The following NRG3 variants were observed in gnomAD, a reference collection of about 807,000 sequenced individuals.
The protein encoded by NRG3 is pro-neuregulin-3, membrane-bound isoform.
Under a neutral mutation model 66.9 loss-of-function variants are expected in NRG3, and 31 were observed. The ratio of observed to expected loss-of-function variants is 0.46; its 90% CI spans 0.35 to 0.63. NRG3 has a LOEUF of 0.63. NRG3 is among the 20% of genes least tolerant of loss of function. The pLI, the probability that NRG3 is intolerant of heterozygous loss-of-function variation, is 0.00. For missense variants in NRG3, 910 were observed against 878.9 expected (o/e 1.04, Z -0.45); for synonymous variants, 393 against 359.4 (o/e 1.09, Z -1.06).
chr10:82,394,888 C>T (rs957892287), intron 2 of NRG3, among the ~76,000 whole-genome samples: 2 of 152,152 alleles, frequency 1.3e-5, no homozygotes, highest in East Asian at 1.9e-4. Flanking sequence ...CTCTTCTGTG[C>T]TGCTGTGGAA....
chr10:82,213,653 A>G (rs2075514654), intron 1 of NRG3, among the ~76,000 whole-genome samples: 1 of 152,216 alleles, frequency 6.6e-6, no homozygotes, highest in African/African-American at 2.4e-5. Flanking sequence ...GGTATTATCA[A>G]TGTGTTTATG....
chr10:82,840,849 T>C (rs960333434), intron 3 of NRG3, among the ~76,000 whole-genome samples: 1 of 152,166 alleles, frequency 6.6e-6, no homozygotes, highest in African/African-American at 2.4e-5. Context: ...TGTCTTTTTT[T>C]TTCTGTATTA....
chr10:82,302,100 T>C (rs2080437522), intron 1 of NRG3, among the ~76,000 whole-genome samples: 1 of 152,102 alleles, frequency 6.6e-6, no homozygotes, highest in Non-Finnish European at 1.5e-5. Context: ...CAAAATACTA[T>C]TTTTATTTTC....
intron 2 of NRG3, among the ~76,000 whole-genome samples, chr10:82,416,540 T>TAA (rs2088591568): frequency 6.6e-6 from 1 of 152,098 alleles, no homozygotes; most frequent in Non-Finnish European, 1.5e-5. Context: ...TGAGCTCAGG[T>TAA]CCCCTTTGGG....
At chr10:82,723,795 C>T (rs1041620164) in intron 2 of NRG3, among the ~76,000 whole-genome samples, 2 of 151,884 alleles carry the variant, frequency 1.3e-5, no homozygotes, top group African/African-American at 4.8e-5. Flanking sequence ...AACTGGCCAA[C>T]ATGGTGAAAC....
intron 2 of NRG3, among the ~76,000 whole-genome samples, chr10:82,459,892 A>G (rs2091435826): frequency 1.3e-5 from 2 of 152,334 alleles, no homozygotes; most frequent in Non-Finnish European, 2.9e-5. Context: ...TCATTTGCTC[A>G]TTGCTCTGGT....
In NRG3 at chr10:82,180,438, A is replaced by G. The variant is rs143032020; in HGVS notation, c.824-178301A>G. ...CCTTCTATTCCTAGTTTGTTGAGTG[A>G]TTTTATTATGACAGAACATTAAATT... On this transcript the variant is annotated intron_variant, in intron 1 of 8. Coordinates refer to ENST00000372141, the MANE Select transcript of NRG3 (RefSeq NM_001010848.4). Among the ~76,000 whole-genome samples the G allele has an allele frequency of 4.6e-5, 7 of 151,666 alleles. No homozygotes were observed. The East Asian group carries it at 1.4e-3, about 29-fold the overall frequency.
intron 1 of NRG3, among the ~76,000 whole-genome samples, chr10:82,312,806 T>TCC (rs2081100199): frequency 6.6e-6 from 1 of 152,316 alleles, no homozygotes; most frequent in East Asian, 1.9e-4. Context: ...ACAGCATTAG[T>TCC]AATTTTTGCT....
At chr10:82,256,313 A>G (rs1457492116) in intron 1 of NRG3, among the ~76,000 whole-genome samples, 1 of 152,174 alleles carries the variant, frequency 6.6e-6, no homozygotes, top group African/African-American at 2.4e-5. Flanking sequence ...AAATACTCAG[A>G]TGTATCTACC....
In NRG3 at chr10:82,931,046, C is replaced by T. The variant is rs184647398; in HGVS notation, c.1055-20423C>T. Among the ~76,000 whole-genome samples, 178 of 152,220 alleles carry T rather than the reference C, an allele frequency of 1.2e-3. 3 individuals are homozygous for T. The highest frequency in any genetic ancestry group is 4.0e-3 in the African/African-American group (167 of 41,556). ...GGAGGCGATGGCAAAAAGAAAGACT[C>T]ACAGGTTAAGACAGGCCCAGGGCAT... On this transcript the variant is annotated intron_variant, in intron 4 of 8. Transcript: ENST00000372141.
At chr10:82,539,489 T>C (rs1739823655) in intron 2 of NRG3, among the ~76,000 whole-genome samples, 1 of 152,206 alleles carries the variant, frequency 6.6e-6, no homozygotes. Flanking sequence ...GCCAGGGACA[T>C]GAATGCTAAG....
intron 1 of NRG3, among the ~76,000 whole-genome samples, chr10:81,881,675 G>C (rs1055560510): frequency 9.2e-5 from 14 of 152,158 alleles, no homozygotes; most frequent in African/African-American, 3.1e-4. Context: ...TAAAAGTAAT[G>C]GTTCATAAAG....
At chr10:82,451,063 G>A (rs1024042809) in intron 2 of NRG3, among the ~76,000 whole-genome samples, 5 of 152,156 alleles carry the variant, frequency 3.3e-5, no homozygotes, top group African/African-American at 1.2e-4. Context: ...CAATATAATA[G>A]TAAGCAGTTC....
chr10:81,937,979 A>G (rs1054747804), intron 1 of NRG3, among the ~76,000 whole-genome samples: 1 of 152,100 alleles, frequency 6.6e-6, no homozygotes, highest in South Asian at 2.1e-4. Context: ...TTTTCCTGAT[A>G]CCATTTGTTG....
intron 2 of NRG3, among the ~76,000 whole-genome samples, chr10:82,430,934 A>T (rs941853683): frequency 1.3e-5 from 2 of 152,178 alleles, no homozygotes; most frequent in African/African-American, 4.8e-5. Flanking sequence ...AACAACAGTC[A>T]GTGTGAGATG....
chr10:81,999,116 T>G (rs950720524), intron 1 of NRG3, among the ~76,000 whole-genome samples: 22 of 152,234 alleles, frequency 1.4e-4, no homozygotes, highest in Admixed American at 6.5e-5. Context: ...AAAGTGTTTT[T>G]AAAGAGAAAT....
intron 1 of NRG3, among the ~76,000 whole-genome samples, chr10:81,925,994 A>G (rs1213664718): frequency 6.6e-6 from 1 of 152,196 alleles, no homozygotes; most frequent in South Asian, 2.1e-4. Context: ...ATGTTCAGCT[A>G]TAGGAAAAAT....
At chr10:82,894,675 G>A (rs1029938326) in intron 4 of NRG3, among the ~76,000 whole-genome samples, 15 of 151,938 alleles carry the variant, frequency 9.9e-5, no homozygotes, top group East Asian at 3.9e-4. Context: ...AAATATTCCC[G>A]AGAACCCTTA....
intron 1 of NRG3, among the ~76,000 whole-genome samples, chr10:81,931,558 A>G (rs1201995883): frequency 1.3e-5 from 2 of 152,134 alleles, no homozygotes; most frequent in Non-Finnish European, 2.9e-5. Context: ...AACTTTTTCA[A>G]GAATCAGTAT....
Sources: allele counts gnomAD v4.1 joint callset (sites outside exome capture counted in the v4.1 genomes callset), GRCh38; gene constraint gnomAD v4.1.1; transcripts MANE v1.5; gene names NCBI Gene and HGNC (gene_info 2026-07-23, HGNC 2026-07-21).